C2orf69: variants seen among roughly 807,000 people sequenced by gnomAD.
The protein encoded by C2orf69 is mitochondrial protein C2orf69.
In C2orf69, 19 loss-of-function variants were observed where a neutral mutation model predicts 29.5. That is an observed-to-expected ratio of 0.65 (90% confidence interval 0.45 to 0.95). The LOEUF is 0.95. Ranked by LOEUF, C2orf69 falls within the 40% of genes least tolerant of loss-of-function variation. The probability of loss-of-function intolerance (pLI) is 0.00; values close to 1 mark genes in which losing one functional copy is unlikely to be tolerated. For missense variants in C2orf69, 416 were observed against 482.1 expected, an observed-to-expected ratio of 0.86 and a Z score of 1.28; for synonymous variants, 194 against 180.0, an observed-to-expected ratio of 1.08 and a Z score of -0.62.
In C2orf69 at chr2:199,925,914, C is replaced by T; in HGVS notation, c.*28C>T. ...TTACAGGTATATTAATGAACTTGTT[C>T]AGTGGAAGAACATAAGCACTTTTGA... On this transcript the variant is annotated 3_prime_UTR_variant, in exon 2 of 2. Coordinates refer to ENST00000319974, the MANE Select transcript of C2orf69 (RefSeq NM_153689.6). The surrounding 1 kb of genome is among the most constrained non-coding windows in gnomAD (Gnocchi z 4.9). The T allele has an allele frequency of 6.9e-7, 1 of 1,443,504 alleles. No homozygotes were observed. Among genetic ancestry groups the T allele is most frequent in the Non-Finnish European group, 9.6e-7 (1 of 1,040,384 alleles). The allele number at this position is 1,443,504 out of a possible 1,614,324, so 89.4% of individuals were successfully genotyped here.
In C2orf69 at chr2:199,911,309, T is replaced by G; in HGVS notation, c.-130T>G. 1 of 1,173,876 alleles carries G rather than the reference T, an allele frequency of 8.5e-7. No homozygotes were observed. 72.7% of individuals were successfully genotyped at this position (1,173,876 alleles called of 1,614,324 possible). On this transcript the variant is annotated 5_prime_UTR_variant, in exon 1 of 2. Coordinates refer to ENST00000319974, the MANE Select transcript of C2orf69 (RefSeq NM_153689.6). ...GACGTCGGCCTCTGACGTCGTCGCC[T>G]CAGCGCCGGCTCCCGGCCGGGCCGC...
intron 1 of C2orf69, among the ~76,000 whole-genome samples, chr2:199,923,016 C>T (rs1489632677): frequency 6.6e-6 from 1 of 152,200 alleles, no homozygotes; most frequent in Non-Finnish European, 1.5e-5. Context: ...TCTGGAGCCA[C>T]ACTGACCTCA....
At chr2:199,912,862 A>G (rs1428939509) in intron 1 of C2orf69, among the ~76,000 whole-genome samples, 2 of 151,950 alleles carry the variant, frequency 1.3e-5, no homozygotes, top group African/African-American at 2.4e-5. Context: ...GCTGGTCTCG[A>G]ACTTCTGACT....
intron 1 of C2orf69, among the ~76,000 whole-genome samples, chr2:199,913,373 A>G (rs1447268011): frequency 4.7e-5 from 3 of 64,100 alleles, no homozygotes; most frequent in African/African-American, 6.5e-5. Flanking sequence ...TTCTATTATG[A>G]TATATATTAT....
chr2:199,928,095 G>A lies in C2orf69; in HGVS notation c.*2209G>A, dbSNP rs1046340558. The A allele has an allele frequency of 6.6e-6, 1 of 152,634 alleles. No homozygotes were observed. The highest frequency in any genetic ancestry group is 1.9e-4 in the East Asian group (1 of 5,186). 9.5% of individuals were successfully genotyped at this position (152,634 alleles called of 1,614,324 possible). ...GTTGATCCATATTCAGATGTTTTCT[G>A]TTTAATACTTCAGATTGGTCCTTTG... On this transcript the variant is annotated 3_prime_UTR_variant, in exon 2 of 2. Coordinates refer to ENST00000319974, the MANE Select transcript of C2orf69 (RefSeq NM_153689.6).
chr2:199,914,447 C>G (rs901035867), intron 1 of C2orf69, among the ~76,000 whole-genome samples: 4 of 152,128 alleles, frequency 2.6e-5, no homozygotes, highest in Non-Finnish European at 5.9e-5. Flanking sequence ...TTTCATACCT[C>G]ATTTCATCAA....
Position 199,911,759 on chromosome 2 carries a change from T to G in C2orf69, c.321T>G (p.Pro107=). The G allele has an allele frequency of 1.3e-6, 2 of 1,539,264 alleles. No individual in the cohort carries two copies. The highest frequency in any genetic ancestry group is 8.7e-7 in the Non-Finnish European group (1 of 1,146,902). ...PPPQHHVLYF[P]GDVQNYHEIM... Reference sequence around the variant, plus strand: ...CCCAGCATCACGTCCTCTATTTCCCTGGGGATGTGCAGGTAACTCGGGGCC... The same window carrying G: ...CCCAGCATCACGTCCTCTATTTCCCGGGGGATGTGCAGGTAACTCGGGGCC... Residue 107 remains proline (P), a synonymous_variant, in exon 1 of 2, where the codon CCT becomes CCG. Transcript: ENST00000319974.
chr2:199,917,238 C>G (rs1177674044), intron 1 of C2orf69, among the ~76,000 whole-genome samples: 2 of 152,190 alleles, frequency 1.3e-5, no homozygotes, highest in African/African-American at 4.8e-5. Flanking sequence ...CCATTTTTTC[C>G]TCTTAGGCCT....
At chr2:199,916,055 A>T (rs1241919358) in intron 1 of C2orf69, among the ~76,000 whole-genome samples, 1 of 152,190 alleles carries the variant, frequency 6.6e-6, no homozygotes, top group Non-Finnish European at 1.5e-5. Flanking sequence ...GACATACCCG[A>T]GGCTGGGTAA....
chr2:199,916,796 A>G (rs960886227), intron 1 of C2orf69, among the ~76,000 whole-genome samples: 4 of 152,202 alleles, frequency 2.6e-5, no homozygotes, highest in African/African-American at 9.6e-5. Context: ...GCCCCCCTCC[A>G]GGCTGCCTTC....
intron 1 of C2orf69, 59 bp downstream of exon 1, chr2:199,911,830 C>G (rs1251829351): frequency 1.3e-6 from 2 of 1,533,476 alleles, no homozygotes; most frequent in East Asian, 4.9e-5. Flanking sequence ...TACGCGGTCA[C>G]TGATTCTTCC....
Position 199,927,323 on chromosome 2 carries a change from A to C in C2orf69, c.*1437A>C, listed in dbSNP as rs1574785000. 6.6e-6 allele frequency: 1 copy of C among 151,352 alleles called. No homozygotes were observed. The highest frequency in any genetic ancestry group is 1.5e-5 in the Non-Finnish European group (1 of 67,744). 9.4% of individuals were successfully genotyped at this position (151,352 alleles called of 1,614,324 possible). A position where few individuals can be genotyped will look rare whatever the true frequency, so the allele number is the denominator to read the frequency against. ...GCTTTAGGACTAAAAAAAAAAAAAAAAAAAAGACACTGAAGCTTAATACCT... is the reference window on the plus strand; with the variant it reads ...GCTTTAGGACTAAAAAAAAAAAAAACAAAAAGACACTGAAGCTTAATACCT... On this transcript the variant is annotated 3_prime_UTR_variant, in exon 2 of 2. Coordinates refer to ENST00000319974, the MANE Select transcript of C2orf69 (RefSeq NM_153689.6).
rs2077336782 is a variant in C2orf69, at chr2:199,926,775, T to C, written c.*889T>C. On this transcript the variant is annotated 3_prime_UTR_variant, in exon 2 of 2. Coordinates refer to ENST00000319974, the MANE Select transcript of C2orf69 (RefSeq NM_153689.6). Reference sequence around the variant, plus strand: ...TCCAAAAACCAGTTGTTTTGGAAAATTGCTTTAAATTGAGCATATTTATGT... The same window carrying C: ...TCCAAAAACCAGTTGTTTTGGAAAACTGCTTTAAATTGAGCATATTTATGT... 6.6e-6 allele frequency: 1 copy of C among 152,644 alleles called. No individual in the cohort carries two copies. Among genetic ancestry groups the C allele is most frequent in the South Asian group, 2.1e-4 (1 of 4,834 alleles). The allele number at this position is 152,644 out of a possible 1,614,324, so 9.5% of individuals were successfully genotyped here. A position where few individuals can be genotyped will look rare whatever the true frequency, so the allele number is the denominator to read the frequency against.
At chr2:199,918,253 G>A (rs1434908165) in intron 1 of C2orf69, among the ~76,000 whole-genome samples, 1 of 151,992 alleles carries the variant, frequency 6.6e-6, no homozygotes, top group African/African-American at 2.4e-5. Context: ...GATTTTGAAG[G>A]GTGATCAAGA....
rs71019096 is a variant in C2orf69 at position 199,921,001 on chromosome 2, G to GTTTT, written c.334-4041_334-4038dup. Among the ~76,000 whole-genome samples the GTTTT allele has an allele frequency of 4.2e-3, 283 of 67,018 alleles. 2 individuals carry two copies. The highest frequency in any genetic ancestry group is 5.4e-3 in the African/African-American group (91 of 16,988). 44.0% of individuals were successfully genotyped at this position (67,018 alleles called of 152,430 possible). ...TCACTTGTTGGCCTTCTAGGAATTAGTTTTTTTTTTTTTTTTTTTTTTTGA... is the reference window on the plus strand; with the variant it reads ...TCACTTGTTGGCCTTCTAGGAATTAGTTTTTTTTTTTTTTTTTTTTTTTTTTTGA... On this transcript the variant is annotated intron_variant, in intron 1 of 1. Transcript: ENST00000319974.
intron 1 of C2orf69, among the ~76,000 whole-genome samples, chr2:199,912,868 T>G (rs1335523786): frequency 1.3e-5 from 2 of 152,006 alleles, no homozygotes; most frequent in Admixed American, 1.3e-4. Context: ...CTCGAACTTC[T>G]GACTTCAAGT....
intron 1 of C2orf69, among the ~76,000 whole-genome samples, chr2:199,912,322 G>T (rs1348123640): frequency 6.6e-6 from 1 of 152,134 alleles, no homozygotes; most frequent in African/African-American, 2.4e-5. Flanking sequence ...TTGTACTTTT[G>T]CTTTTGCATG....
At chr2:199,922,031 T>TATATATATATATA (rs1553566021) in intron 1 of C2orf69, among the ~76,000 whole-genome samples, 83 of 78,958 alleles carry the variant, frequency 1.1e-3, no homozygotes, top group African/African-American at 2.9e-3. Flanking sequence ...ACTGTTATTT[T>TATATATATATATA]TATATATATA....
chr2:199,923,838 CTATT>C (rs1202359962), intron 1 of C2orf69, among the ~76,000 whole-genome samples: 1 of 152,084 alleles, frequency 6.6e-6, no homozygotes, highest in Non-Finnish European at 1.5e-5. Flanking sequence ...CAGTGCTGCT[CTATT>C]TATTTGTGGA....
Sources: allele counts gnomAD v4.1 joint callset (sites outside exome capture counted in the v4.1 genomes callset), GRCh38; gene constraint gnomAD v4.1.1; non-coding constraint Gnocchi (gnomAD v3.1); transcripts MANE v1.5; gene names NCBI Gene and HGNC (gene_info 2026-07-23, HGNC 2026-07-21).